ARPP21: variants seen among roughly 807,000 people sequenced by gnomAD.
ARPP21 encodes cAMP regulated phosphoprotein 21.
A neutral mutation model predicts 113.2 loss-of-function variants in ARPP21; 69 were observed. The observed-to-expected ratio is 0.61, with a 90% CI of 0.50 to 0.74. The LOEUF is 0.74. Ranked by LOEUF, ARPP21 falls within the 30% of genes least tolerant of loss-of-function variation. The pLI, the probability that ARPP21 is intolerant of heterozygous loss-of-function variation, is 0.00. For missense variants in ARPP21, 1,070 were observed against 1,037.4 expected, an observed-to-expected ratio of 1.03 and a Z score of -0.43; for synonymous variants, 368 against 375.5, an observed-to-expected ratio of 0.98 and a Z score of 0.23.
chr3:35,716,056 A>G lies in ARPP21; in HGVS notation c.935+580A>G, dbSNP rs146059210. Among the ~76,000 whole-genome samples, 1,356 of 152,256 alleles carry G rather than the reference A, an allele frequency of 8.9e-3. 11 individuals are homozygous for G. Among genetic ancestry groups the G allele is most frequent in the Non-Finnish European group, 0.014 (965 of 67,978 alleles). On this transcript the variant is annotated intron_variant, in intron 12 of 20. Transcript: ENST00000684406. ...TAGGGGGAGGTAGTTGTTGTAAAAT[A>G]AATGGGTTATAAAATTTAAAGAAAA... is the stretch of plus-strand genomic sequence containing the variant.
intron 19 of ARPP21, among the ~76,000 whole-genome samples, chr3:35,786,472 G>A (rs1257422002): frequency 6.7e-6 from 1 of 149,280 alleles, no homozygotes; most frequent in African/African-American, 2.5e-5. Flanking sequence ...GGGTTGCAGT[G>A]AACTGAGATT....
intron 19 of ARPP21, among the ~76,000 whole-genome samples, chr3:35,767,521 G>GCAA (rs1451791820): frequency 4.6e-5 from 7 of 152,018 alleles, no homozygotes; most frequent in Non-Finnish European, 1.0e-4. Context: ...TGCCTCAATA[G>GCAA]TTCACTCCAA....
chr3:35,761,192 C>T (rs2095761244), intron 19 of ARPP21, among the ~76,000 whole-genome samples: 1 of 152,032 alleles, frequency 6.6e-6, no homozygotes, highest in Non-Finnish European at 1.5e-5. Context: ...TTTTCTTCCA[C>T]GTTTTCAAAG....
At chr3:35,668,531 T>C (rs2075524576) in intron 1 of ARPP21, among the ~76,000 whole-genome samples, 2 of 152,166 alleles carry the variant, frequency 1.3e-5, no homozygotes, top group Non-Finnish European at 2.9e-5. Context: ...GAGCTAGTGC[T>C]CCCAAAACTG....
At position 35,743,922 on chromosome 3, in the gene ARPP21, C is replaced by T. The variant is rs550779254; in HGVS notation, c.2094C>T (p.Asn698=). The T allele has an allele frequency of 3.0e-5, 48 of 1,613,964 alleles. No individual in the cohort carries two copies. Among genetic ancestry groups the T allele is most frequent in the African/African-American group, 5.3e-5 (4 of 74,924 alleles). ...GGCCCATGGCCCCGGTTCAGTACAA[C>T]GCTCAGAGGAGTCAACAGATGCCAC... is the stretch of plus-strand genomic sequence containing the variant. ...QYRPMAPVQY[N]AQRSQQMPQA... The change falls in exon 19 of 21, where the codon AAC becomes AAT. Residue 698 remains asparagine, a synonymous_variant. Transcript: ENST00000684406.
chr3:35,681,143 C>T (rs887514919), intron 2 of ARPP21: 2 of 151,700 alleles, frequency 1.3e-5, no homozygotes, highest in Non-Finnish European at 2.9e-5. Flanking sequence ...GCTGTCAGTT[C>T]GAAGCCTGGA....
At chr3:35,710,197 G>A (rs940423809) in intron 11 of ARPP21, among the ~76,000 whole-genome samples, 7 of 152,296 alleles carry the variant, frequency 4.6e-5, no homozygotes, top group South Asian at 2.1e-4. Flanking sequence ...TCTGAAATTA[G>A]AAGAGTGTGA....
At chr3:35,747,820 G>A (rs1180942112) in intron 19 of ARPP21, among the ~76,000 whole-genome samples, 1 of 151,900 alleles carries the variant, frequency 6.6e-6, no homozygotes, top group Non-Finnish European at 1.5e-5. Flanking sequence ...CCTGAGGTGA[G>A]AGGATTGCTT....
Position 35,762,442 on chromosome 3 carries a change from C to A in ARPP21, c.2137+18477C>A, listed in dbSNP as rs548124749. On this transcript the variant is annotated intron_variant, in intron 19 of 20. Transcript: ENST00000684406. Reference sequence around the variant, plus strand: ...ATTGCCTATATATGCAGGTGTGATACTATTCAGGGTACTAGTATATTGGCC... The same window carrying A: ...ATTGCCTATATATGCAGGTGTGATAATATTCAGGGTACTAGTATATTGGCC... Among the ~76,000 whole-genome samples the A allele has an allele frequency of 7.2e-5, 11 of 152,128 alleles. No individual in the cohort carries two copies. The South Asian group carries it at 2.1e-3, about 29-fold the overall frequency.
chr3:35,752,271 C>A (rs1261108457), intron 19 of ARPP21, among the ~76,000 whole-genome samples: 1 of 151,746 alleles, frequency 6.6e-6, no homozygotes, highest in Admixed American at 6.6e-5. Context: ...GCAGACAGCA[C>A]TCTGACCTTT....
chr3:35,688,512 C>G (rs1022108887), intron 6 of ARPP21, among the ~76,000 whole-genome samples: 2 of 151,548 alleles, frequency 1.3e-5, no homozygotes, highest in Non-Finnish European at 3.0e-5. Context: ...TTTGCCATAC[C>G]TATCATGGTA....
At chr3:35,788,981 C>T (rs1216155575) in intron 19 of ARPP21, among the ~76,000 whole-genome samples, 1 of 152,124 alleles carries the variant, frequency 6.6e-6, no homozygotes, top group East Asian at 1.9e-4. Flanking sequence ...AAATAAATGA[C>T]ACATGTGACT....
intron 1 of ARPP21, among the ~76,000 whole-genome samples, chr3:35,666,225 T>C (rs1013143464): frequency 1.3e-4 from 20 of 152,108 alleles, no homozygotes; most frequent in African/African-American, 4.6e-4. Context: ...AATGGAGTTA[T>C]AGGGTATTCC....
chr3:35,711,274 A>G (rs1482127687), intron 11 of ARPP21, among the ~76,000 whole-genome samples: 2 of 152,198 alleles, frequency 1.3e-5, no homozygotes, highest in South Asian at 4.1e-4. Flanking sequence ...TTGAAGGATT[A>G]ACTGAAGTCC....
chr3:35,712,081 G>A (rs2091300723), intron 11 of ARPP21, among the ~76,000 whole-genome samples: 1 of 152,080 alleles, frequency 6.6e-6, no homozygotes, highest in South Asian at 2.1e-4. Flanking sequence ...CACACTTTAG[G>A]GGACCCTCAT....
At chr3:35,705,226 T>C (rs889855976) in intron 9 of ARPP21, among the ~76,000 whole-genome samples, 1 of 152,238 alleles carries the variant, frequency 6.6e-6, no homozygotes, top group African/African-American at 2.4e-5. Context: ...AAATATTGGA[T>C]GAAAATGTTG....
At position 35,732,335 on chromosome 3, in the gene ARPP21, A is replaced by G. The variant is rs542067365; in HGVS notation, c.1459+2799A>G. 9.2e-5 allele frequency among the ~76,000 whole-genome samples: 14 copies of G among 152,326 alleles called. No individual in the cohort carries two copies. In the East Asian group the frequency reaches 2.7e-3, roughly 29 times the overall value. ...CACATATACCCTTGCAGTTTCCCCAATATAACCATAACTTTTAATTTTGTC... is the reference window on the plus strand; with the variant it reads ...CACATATACCCTTGCAGTTTCCCCAGTATAACCATAACTTTTAATTTTGTC... On this transcript the variant is annotated intron_variant, in intron 15 of 20. Transcript: ENST00000684406.
chr3:35,780,185 T>A (rs2096488901), intron 19 of ARPP21, among the ~76,000 whole-genome samples: 1 of 152,214 alleles, frequency 6.6e-6, no homozygotes, highest in Non-Finnish European at 1.5e-5. Context: ...ATGGAGTGGC[T>A]GGAATAGGAC....
chr3:35,664,457 T>C (rs1575561544), intron 1 of ARPP21, among the ~76,000 whole-genome samples: 2 of 152,148 alleles, frequency 1.3e-5, no homozygotes, highest in Non-Finnish European at 2.9e-5. Context: ...CCTCCCACGA[T>C]CCCTAGACTC....
Sources: gnomAD v4.1 joint callset for allele counts (sites outside exome capture counted in the v4.1 genomes callset) on GRCh38, gnomAD v4.1.1 for gene constraint, MANE v1.5 for transcripts, NCBI Gene and HGNC (gene_info 2026-07-23, HGNC 2026-07-21) for gene names.